Variants in TRIM58 observed in about 807,000 individuals in gnomAD.
TRIM58 encodes tripartite motif containing 58.
Under a neutral mutation model 34.1 loss-of-function variants are expected in TRIM58, and 38 were observed. That is an observed-to-expected ratio of 1.12 (90% confidence interval 0.86 to 1.46). The LOEUF is 1.46. Among genes scored for constraint, TRIM58 ranks in the 40% most tolerant of loss-of-function variants. The pLI is 0.00. For missense variants in TRIM58, 677 were observed against 642.0 expected (o/e 1.05, Z -0.59); for synonymous variants, 273 against 275.7 (o/e 0.99, Z 0.10).
intron 5 of TRIM58, among the ~76,000 whole-genome samples, chr1:247,870,001 G>A (rs969922930): frequency 2.0e-5 from 3 of 152,136 alleles, no homozygotes; most frequent in Admixed American, 2.0e-4. Flanking sequence ...AGTGCATACA[G>A]TGGCTTGGGA....
chr1:247,867,714 T>G (rs1331362821), intron 3 of TRIM58, 131 bp from the exon 4 acceptor site: 4 of 1,058,530 alleles, frequency 3.8e-6, no homozygotes, highest in Non-Finnish European at 5.7e-6. Context: ...AAAAGAGATT[T>G]ATTGTCCCCT....
chr1:247,875,933 C>G lies in TRIM58; in HGVS notation c.905C>G (p.Pro302Arg), dbSNP rs1277659091. The change falls in exon 6 of 6, where the codon CCG (proline) becomes CGG (arginine). Residue 302 changes from proline to arginine, a missense_variant. Coordinates refer to ENST00000366481, the MANE Select transcript of TRIM58 (RefSeq NM_015431.4). ...AAGCTGGATCCCGCCACGGCGCACC[C>G]GAGTCTGCTCTTGACCGCCGACCTG... is the stretch of plus-strand genomic sequence containing the variant. ...DVKLDPATAHPSLLLTADLRS... is the reference protein window; with the variant it reads ...DVKLDPATAHRSLLLTADLRS... The G allele has an allele frequency of 3.7e-6, 6 of 1,613,784 alleles. No individual in the cohort carries two copies. Among genetic ancestry groups the G allele is most frequent in the Non-Finnish European group, 5.1e-6 (6 of 1,179,836 alleles).
At chr1:247,870,233 T>G (rs1659078069) in intron 5 of TRIM58, among the ~76,000 whole-genome samples, 1 of 152,184 alleles carries the variant, frequency 6.6e-6, no homozygotes, top group South Asian at 2.1e-4. Context: ...TAGGGTAAAA[T>G]TCCCTGGTCT....
intron 1 of TRIM58, among the ~76,000 whole-genome samples, chr1:247,858,720 TA>T (rs541375874): frequency 6.8e-6 from 1 of 146,156 alleles, no homozygotes; most frequent in Admixed American, 6.9e-5. Context: ...CTTGCCTTTT[TA>T]AAAAAAGTCC....
rs780055554 is a variant in TRIM58, at chr1:247,876,440, C to A, written c.1412C>A (p.Ser471Tyr). 3 of 1,614,114 alleles carry A rather than the reference C, an allele frequency of 1.9e-6. No homozygotes were observed. The African/African-American group carries it at 4.0e-5, about 22-fold the overall frequency. Residue 471 changes from serine (S) to tyrosine (Y), a missense_variant, in exon 6 of 6, where the codon TCC becomes TAC. Physicochemically the swap from Ser to Tyr is moderately radical, Grantham distance 144. Coordinates refer to ENST00000366481, the MANE Select transcript of TRIM58 (RefSeq NM_015431.4). ...TTIAGSGNWA[S>Y]RDHLDPASDV... ...ATAGCAGGGTCAGGAAATTGGGCAT[C>A]CAGGGATCATTTAGATCCTGCTTCT... is the stretch of plus-strand genomic sequence containing the variant.
chr1:247,858,441 T>G (rs909834366), intron 1 of TRIM58, among the ~76,000 whole-genome samples: 3 of 152,216 alleles, frequency 2.0e-5, no homozygotes, highest in Admixed American at 2.0e-4. Context: ...AATCCCAGCA[T>G]GTAGAACAAC....
In TRIM58 at chr1:247,876,343, C is replaced by G. The variant is rs771306541; in HGVS notation, c.1315C>G (p.Leu439Val). The change falls in exon 6 of 6, where the codon CTC becomes GTC. Residue 439 changes from leucine to valine, a missense_variant. Transcript: ENST00000366481. The part of the protein sequence containing the change: ...DGSYIYTFNQ[L>V]FSGLLRPYFF... Reference sequence around the variant, plus strand: ...ATCTTATATCTACACATTCAACCAACTCTTCTCTGGTCTTCTTCGGCCTTA... The same window carrying G: ...ATCTTATATCTACACATTCAACCAAGTCTTCTCTGGTCTTCTTCGGCCTTA... The G allele has an allele frequency of 6.2e-7, 1 of 1,614,184 alleles. No homozygotes were observed. The highest frequency in any genetic ancestry group is 8.5e-7 in the Non-Finnish European group (1 of 1,180,034).
chr1:247,875,206 A>G (rs1659253663), intron 5 of TRIM58, among the ~76,000 whole-genome samples: 1 of 152,210 alleles, frequency 6.6e-6, no homozygotes, highest in Non-Finnish European at 1.5e-5. Flanking sequence ...CAGGGTGTGA[A>G]GGTCATGGGG....
In TRIM58 at chr1:247,876,304, A is replaced by G. The variant is rs1284602025; in HGVS notation, c.1276A>G (p.Asn426Asp). 6.2e-7 allele frequency: 1 copy of G among 1,614,156 alleles called. No individual in the cohort carries two copies. Among genetic ancestry groups the G allele is most frequent in the Non-Finnish European group, 8.5e-7 (1 of 1,180,022 alleles). Residue 426 changes from asparagine (N) to aspartate (D), a missense_variant, in exon 6 of 6, where the codon AAT (asparagine) becomes GAT (aspartate). Physicochemically the swap from Asn to Asp is conservative, Grantham distance 23. Transcript: ENST00000366481. ...DYEAGEISFY[N>D]VTDGSYIYTF... Reference sequence around the variant, plus strand: ...TGAAGCCGGTGAAATTTCATTCTACAATGTCACAGATGGATCTTATATCTA... The same window carrying G: ...TGAAGCCGGTGAAATTTCATTCTACGATGTCACAGATGGATCTTATATCTA...
chr1:247,872,145 C>G (rs778972046), intron 5 of TRIM58, among the ~76,000 whole-genome samples: 3 of 152,126 alleles, frequency 2.0e-5, no homozygotes, highest in Non-Finnish European at 4.4e-5. Context: ...ATACTTTATC[C>G]CTGAGCGAAA....
intron 1 of TRIM58, among the ~76,000 whole-genome samples, chr1:247,859,602 T>G (rs780983125): frequency 5.9e-5 from 9 of 152,122 alleles, no homozygotes; most frequent in Non-Finnish European, 2.9e-5. Flanking sequence ...TTTTTACTCA[T>G]TGCAAGGTTT....
At chr1:247,874,910 G>C (rs4925749) in intron 5 of TRIM58, among the ~76,000 whole-genome samples, 1 of 152,040 alleles carries the variant, frequency 6.6e-6, no homozygotes, top group Non-Finnish European at 1.5e-5. Context: ...GTGCAAATGC[G>C]GTACTGAGAT....
At chr1:247,867,896 G>T (rs2103328850) in intron 4 of TRIM58, 29 bp downstream of exon 4, 1 of 1,614,144 alleles carries the variant, frequency 6.2e-7, no homozygotes, top group Non-Finnish European at 8.5e-7. Context: ...TTGGTGAAGG[G>T]ATTGGGAGAG....
At chr1:247,867,736 T>C in intron 3 of TRIM58, 109 bp from the exon 4 acceptor site, 1 of 1,206,662 alleles carries the variant, frequency 8.3e-7, no homozygotes, top group Non-Finnish European at 1.2e-6. Context: ...TAATTTTATC[T>C]CAATAATGTT....
At chr1:247,868,648 C>T (rs1288698274) in intron 5 of TRIM58, among the ~76,000 whole-genome samples, 2 of 152,136 alleles carry the variant, frequency 1.3e-5, no homozygotes, top group Non-Finnish European at 2.9e-5. Context: ...TGATTCTGAC[C>T]AACTGACTGT....
In TRIM58 at chr1:247,879,282, C is replaced by T. The variant is rs1371217705; in HGVS notation, c.*2793C>T. 6.6e-6 allele frequency among the ~76,000 whole-genome samples: 1 copy of T among 152,168 alleles called. No individual in the cohort carries two copies. The highest frequency in any genetic ancestry group is 1.5e-5 in the Non-Finnish European group (1 of 68,032). On this transcript the variant is annotated 3_prime_UTR_variant, in exon 6 of 6. Coordinates refer to ENST00000366481, the MANE Select transcript of TRIM58 (RefSeq NM_015431.4). ...CCCACATCCAGTCCATCGGCAAGCC[C>T]TGTTGGTCCTACCTTCAGAATATGT...
In TRIM58 at chr1:247,857,199, G is replaced by C. The variant is rs1663646581; in HGVS notation, c.-48G>C. Reference sequence around the variant, plus strand: ...CTCCTCCCCCTGTGCAGACCGCGAGGGGAGACGGTGCGGGCGGCCGGGAGC... The same window carrying C: ...CTCCTCCCCCTGTGCAGACCGCGAGCGGAGACGGTGCGGGCGGCCGGGAGC... On this transcript the variant is annotated 5_prime_UTR_variant, in exon 1 of 6. Coordinates refer to ENST00000366481, the MANE Select transcript of TRIM58 (RefSeq NM_015431.4). 1.5e-6 allele frequency: 2 copies of C among 1,304,382 alleles called. No homozygotes were observed. The highest frequency in any genetic ancestry group is 1.5e-5 in the African/African-American group (1 of 64,794). The allele number at this position is 1,304,382 out of a possible 1,614,324, so 80.8% of individuals were successfully genotyped here. A position where few individuals can be genotyped will look rare whatever the true frequency, so the allele number is the denominator to read the frequency against.
chr1:247,878,173 A>G lies in TRIM58; in HGVS notation c.*1684A>G, dbSNP rs1659333148. On this transcript the variant is annotated 3_prime_UTR_variant, in exon 6 of 6. Transcript: ENST00000366481. ...GCAAGACTCCATCTCAAAAATAAAT[A>G]AATAAATAAATAAATAAATAAATAA... The G allele has an allele frequency of 8.0e-6, 1 of 125,144 alleles. No individual in the cohort carries two copies. The highest frequency in any genetic ancestry group is 1.5e-5 in the Non-Finnish European group (1 of 66,594). 7.8% of individuals were successfully genotyped at this position (125,144 alleles called of 1,614,324 possible).
At chr1:247,863,315 C>G (rs897199916) in intron 2 of TRIM58, among the ~76,000 whole-genome samples, 1 of 152,012 alleles carries the variant, frequency 6.6e-6, no homozygotes, top group African/African-American at 2.4e-5. Flanking sequence ...CGATGCGGGC[C>G]GATCGTGAGG....
Sources: gnomAD v4.1 joint callset for allele counts (sites outside exome capture counted in the v4.1 genomes callset) on GRCh38, gnomAD v4.1.1 for gene constraint, MANE v1.5 for transcripts, NCBI Gene and HGNC (gene_info 2026-07-23, HGNC 2026-07-21) for gene names.